TFG: variants seen among roughly 807,000 people sequenced by gnomAD.
TFG encodes the protein protein TFG.
In TFG, 22 loss-of-function variants were observed where a neutral mutation model predicts 51.4. That is an observed-to-expected ratio of 0.43 (90% CI 0.31 to 0.61). TFG has a LOEUF of 0.61. TFG is among the 20% of genes least tolerant of loss of function. TFG has a pLI of 0.12. For missense variants in TFG, 419 were observed against 487.7 expected (o/e 0.86, Z 1.33); for synonymous variants, 187 against 165.6 (o/e 1.13, Z -0.99).
chr3:100,728,900 G>T, intron 4 of TFG, 42 bp downstream of exon 4: 1 of 1,497,908 alleles, frequency 6.7e-7, no homozygotes, highest in South Asian at 1.3e-5. Flanking sequence ...TTGTTCTTAC[G>T]TCTTTTTGGA....
intron 3 of TFG, 56 bp from the exon 4 acceptor site, chr3:100,728,656 T>C: frequency 1.5e-6 from 2 of 1,374,244 alleles, no homozygotes; most frequent in Non-Finnish European, 2.0e-6. Context: ...TTGCATATTA[T>C]TAGTATACTT....
At chr3:100,725,774 CAG>C (rs1399936395) in intron 3 of TFG, among the ~76,000 whole-genome samples, 1 of 151,822 alleles carries the variant, frequency 6.6e-6, no homozygotes, top group Non-Finnish European at 1.5e-5. Flanking sequence ...GTCTGGGTGA[CAG>C]AGCAAGACTC....
intron 1 of TFG, 146 bp downstream of exon 1, chr3:100,709,867 G>A (rs2095024577): frequency 8.0e-6 from 1 of 125,098 alleles, no homozygotes; most frequent in African/African-American, 3.0e-5. Context: ...GGGGGTGGGA[G>A]GGAGGAGGGG....
chr3:100,717,188 G>T (rs1289170380), intron 2 of TFG, among the ~76,000 whole-genome samples: 1 of 152,118 alleles, frequency 6.6e-6, no homozygotes, highest in Non-Finnish European at 1.5e-5. Context: ...CATGGATTAT[G>T]TTCTTTTGTT....
intron 3 of TFG, among the ~76,000 whole-genome samples, chr3:100,721,460 A>G (rs2149068446): frequency 6.6e-6 from 1 of 152,282 alleles, no homozygotes; most frequent in Non-Finnish European, 1.5e-5. Flanking sequence ...ATATTTTAGA[A>G]AAGTCTACCT....
intron 1 of TFG, 39 bp from the exon 2 acceptor site, chr3:100,713,604 T>A: frequency 1.0e-6 from 1 of 991,938 alleles, no homozygotes; most frequent in South Asian, 2.9e-5. Flanking sequence ...ACTTTTACGG[T>A]ATGTTTTGTT....
At position 100,719,965 on chromosome 3, in the gene TFG, TA is replaced by T. The variant is rs776693527; in HGVS notation, c.185-7del. On this transcript the variant is annotated splice_polypyrimidine_tract_variant and intron_variant, in intron 2 of 7. Transcript: ENST00000240851. Reference sequence around the variant, plus strand: ...ATTAAAAAACAACCTTTTTTTTTTTTAAATTCCAGATGGAGATCTTATAACA... The same window carrying T: ...ATTAAAAAACAACCTTTTTTTTTTTTAATTCCAGATGGAGATCTTATAACA... 1.8e-5 allele frequency: 26 copies of T among 1,467,118 alleles called. No homozygotes were observed. In the East Asian group the frequency reaches 4.2e-4, roughly 24 times the overall value. 90.9% of individuals were successfully genotyped at this position (1,467,118 alleles called of 1,614,324 possible).
Position 100,723,831 on chromosome 3 carries a change from GT to G in TFG, c.268+3786del, listed in dbSNP as rs769902536. Among the ~76,000 whole-genome samples the G allele has an allele frequency of 6.2e-3, 892 of 144,326 alleles. 7 individuals carry two copies. The highest frequency in any genetic ancestry group is 9.8e-3 in the African/African-American group (387 of 39,648). The allele number at this position is 144,326 out of a possible 152,430, so 94.7% of individuals were successfully genotyped here. On this transcript the variant is annotated intron_variant, in intron 3 of 7. Transcript: ENST00000240851. Reference sequence around the variant, plus strand: ...CATCTAGCAGTTAGGGAGAAATACAGTTTTTTTTTTTTTCGAGTACTCATAG... The same window carrying G: ...CATCTAGCAGTTAGGGAGAAATACAGTTTTTTTTTTTTCGAGTACTCATAG...
At chr3:100,743,525 C>T (rs2095127108) in intron 6 of TFG, 1 of 150,986 alleles carries the variant, frequency 6.6e-6, no homozygotes, top group Non-Finnish European at 1.5e-5. Flanking sequence ...GTAAGCGTTT[C>T]TTTTTTTTTC....
chr3:100,715,624 G>T (rs1331599184), intron 2 of TFG, among the ~76,000 whole-genome samples: 2 of 152,126 alleles, frequency 1.3e-5, no homozygotes, highest in Non-Finnish European at 2.9e-5. Context: ...CCCATGTTAA[G>T]AAACAATAAA....
chr3:100,719,783 G>A (rs1466046365), intron 2 of TFG, among the ~76,000 whole-genome samples, 192 bp from the exon 3 acceptor site: 1 of 152,074 alleles, frequency 6.6e-6, no homozygotes, highest in Non-Finnish European at 1.5e-5. Flanking sequence ...AGAGTAATAA[G>A]CAAAATTGAT....
intron 6 of TFG, among the ~76,000 whole-genome samples, chr3:100,739,639 A>G (rs555156298): frequency 2.0e-5 from 3 of 152,336 alleles, no homozygotes; most frequent in East Asian, 3.9e-4. Context: ...ATTGAAACAT[A>G]CATAGAATAA....
intron 1 of TFG, among the ~76,000 whole-genome samples, chr3:100,712,193 A>G (rs2095033164): frequency 6.6e-6 from 1 of 152,190 alleles, no homozygotes; most frequent in African/African-American, 2.4e-5. Flanking sequence ...GACTAGTTAG[A>G]TGGAAGGACC....
At chr3:100,721,873 G>A (rs531909665) in intron 3 of TFG, among the ~76,000 whole-genome samples, 7 of 152,210 alleles carry the variant, frequency 4.6e-5, no homozygotes, top group Admixed American at 6.5e-5. Context: ...AAAAGCAGCC[G>A]GCCGTGGTGG....
chr3:100,738,892 G>T (rs1375112062), intron 6 of TFG, among the ~76,000 whole-genome samples: 1 of 152,152 alleles, frequency 6.6e-6, no homozygotes, highest in Non-Finnish European at 1.5e-5. Context: ...TATCCAACGT[G>T]TACTCACTAT....
rs763995407 is a variant in TFG at position 100,748,208 on chromosome 3, C to A, written c.880C>A (p.Gln294Lys). 2.5e-6 allele frequency: 4 copies of A among 1,614,016 alleles called. No homozygotes were observed. Among genetic ancestry groups the A allele is most frequent in the African/African-American group, 1.3e-5 (1 of 74,924 alleles). Reference sequence around the variant, plus strand: ...TCAGCAGTTCCAGGGATATGGCCAGCAACCAACTTCCCAGGCACCAGCTCC... The same window carrying A: ...TCAGCAGTTCCAGGGATATGGCCAGAAACCAACTTCCCAGGCACCAGCTCC... ...QPQQFQGYGQ[Q>K]PTSQAPAPAF... Residue 294 changes from glutamine (Q) to lysine (K), a missense_variant, in exon 8 of 8, where the codon CAA becomes AAA. Transcript: ENST00000240851.
chr3:100,741,122 T>G (rs1718279), intron 6 of TFG, among the ~76,000 whole-genome samples: 35,465 of 151,754 alleles, frequency 0.23, 5,211 homozygotes, highest in Non-Finnish European at 0.34. Context: ...CATTTGTGAA[T>G]TTACTATACT....
At chr3:100,722,615 T>C (rs2095063972) in intron 3 of TFG, among the ~76,000 whole-genome samples, 1 of 152,140 alleles carries the variant, frequency 6.6e-6, no homozygotes, top group Non-Finnish European at 1.5e-5. Flanking sequence ...GACAGAGAGA[T>C]TACCTTAAAA....
chr3:100,735,177 T>C (rs1296373774), intron 5 of TFG, among the ~76,000 whole-genome samples: 1 of 152,192 alleles, frequency 6.6e-6, no homozygotes, highest in African/African-American at 2.4e-5. Context: ...CATCATCCAT[T>C]TTATTTTGGC....
Sources: allele counts gnomAD v4.1 joint callset (sites outside exome capture counted in the v4.1 genomes callset), GRCh38; gene constraint gnomAD v4.1.1; transcripts MANE v1.5; gene names NCBI Gene and HGNC (gene_info 2026-07-23, HGNC 2026-07-21).